Variants in XPO7 observed in about 807,000 individuals in gnomAD.
XPO7 encodes exportin 7, also known as exportin-7.
XPO7 carries 21 observed loss-of-function variants against 144.3 expected under a neutral mutation model. The ratio of observed to expected loss-of-function variants is 0.15; its 90% CI spans 0.10 to 0.21. XPO7 has a LOEUF of 0.21. XPO7 is among the 10% of genes least tolerant of loss of function. XPO7 has a pLI of 1.00. For synonymous variants in XPO7, 580 were observed against 499.6 expected, an observed-to-expected ratio of 1.16 and a Z score of -2.15; for missense variants, 808 against 1,325.8, an observed-to-expected ratio of 0.61 and a Z score of 6.06.
rs539992598 is a variant in XPO7, at chr8:21,997,784, G to C, written c.2346-971G>C. On this transcript the variant is annotated intron_variant, in intron 21 of 27. Transcript: ENST00000252512. ...AGGTAAGAGTAGAAGCAGAGAGAAT[G>C]TAAGGGAAAGGTGGATTTGGGGTTT... 2.0e-5 allele frequency among the ~76,000 whole-genome samples: 3 copies of C among 152,296 alleles called. No individual in the cohort carries two copies. In the East Asian group the frequency reaches 5.8e-4, roughly 29 times the overall value.
chr8:21,966,363 G>T (rs547471050), intron 1 of XPO7: 9 of 775,930 alleles, frequency 1.2e-5, no homozygotes, highest in African/African-American at 8.5e-5. Flanking sequence ...TCGTACAGGT[G>T]ACCATCTTTA....
chr8:21,945,632 C>T (rs536054101), intron 1 of XPO7, among the ~76,000 whole-genome samples: 45 of 152,314 alleles, frequency 3.0e-4, no homozygotes, highest in African/African-American at 1.1e-3. Flanking sequence ...AATATTGAAA[C>T]AAATCCTTTT....
At chr8:21,958,125 C>T (rs958169874) in intron 1 of XPO7, among the ~76,000 whole-genome samples, 1 of 151,964 alleles carries the variant, frequency 6.6e-6, no homozygotes, top group Non-Finnish European at 1.5e-5. Context: ...TGAACAAATA[C>T]CTTTAAAAAG....
rs765032409 is a variant in XPO7, at chr8:21,999,132, G to A, written c.2470G>A (p.Val824Ile). The A allele has an allele frequency of 1.2e-6, 2 of 1,613,824 alleles. No individual in the cohort carries two copies. Among genetic ancestry groups the A allele is most frequent in the Non-Finnish European group, 1.7e-6 (2 of 1,179,888 alleles). ...ACTAGGAGAGGTCCCAAAGGATCAGGTCTATGCTCTGAAGCTCAAGGGCAT... is the reference window on the plus strand; with the variant it reads ...ACTAGGAGAGGTCCCAAAGGATCAGATCTATGCTCTGAAGCTCAAGGGCAT... ...LTLGEVPKDQ[V>I]YALKLKGISI... is the part of the protein sequence containing the mutation. The change falls in exon 23 of 28, where the codon GTC becomes ATC. Residue 824 changes from valine to isoleucine, a missense_variant. Transcript: ENST00000252512.
chr8:21,984,890 A>T, intron 12 of XPO7, 51 bp downstream of exon 12: 1 of 1,585,480 alleles, frequency 6.3e-7, no homozygotes, highest in Non-Finnish European at 8.6e-7. Context: ...GATGTTGTCT[A>T]GTACCCCTTC....
rs747051221 is a variant in XPO7 at position 21,966,958 on chromosome 8, C to T, written c.120C>T (p.Ser40=). The change falls in exon 2 of 28, where the codon AGC becomes AGT. Residue 40 remains serine (S), a synonymous_variant. Transcript: ENST00000252512. ...AAGCCTTGGTTGAATTTACCAACAG[C>T]CCTGATTGCCTGAGCAAGTGCCAGC... ...AEKALVEFTN[S]PDCLSKCQLL... The T allele has an allele frequency of 3.7e-6, 6 of 1,613,800 alleles. No individual in the cohort carries two copies. The highest frequency in any genetic ancestry group is 1.6e-4 in the Middle Eastern group (1 of 6,084).
chr8:21,977,729 A>G (rs1563329353), intron 7 of XPO7, 41 bp from the exon 8 acceptor site: 2 of 1,595,210 alleles, frequency 1.3e-6, no homozygotes, highest in Non-Finnish European at 1.7e-6. Flanking sequence ...GGCAATGTTC[A>G]TACTTAATAA....
chr8:21,976,637 A>G, intron 7 of XPO7, 116 bp downstream of exon 7: 1 of 1,226,162 alleles, frequency 8.2e-7, no homozygotes, highest in South Asian at 1.7e-5. Flanking sequence ...ATTGAGAAAA[A>G]ATTCTAACGT....
At position 21,954,488 on chromosome 8, in the gene XPO7, G is replaced by A. The variant is rs187162921; in HGVS notation, c.19-12369G>A. ...ATCTCTACTAAAAATTCAAAAATTA[G>A]CCAGGTGTGGTGGCACAGACCTGTA... On this transcript the variant is annotated intron_variant, in intron 1 of 27. Transcript: ENST00000252512. Among the ~76,000 whole-genome samples the A allele has an allele frequency of 3.1e-3, 479 of 152,162 alleles. 2 individuals are homozygous for A. Among genetic ancestry groups the A allele is most frequent in the African/African-American group, 0.011 (462 of 41,504 alleles).
chr8:21,941,030 G>A (rs185196567), intron 1 of XPO7, among the ~76,000 whole-genome samples: 162 of 152,206 alleles, frequency 1.1e-3, no homozygotes, highest in African/African-American at 3.8e-3. Flanking sequence ...GTCTGTGGGG[G>A]ATTGGTTCCA....
intron 2 of XPO7, among the ~76,000 whole-genome samples, 192 bp from the exon 3 acceptor site, chr8:21,969,291 T>A (rs1179922014): frequency 6.8e-6 from 1 of 146,134 alleles, no homozygotes; most frequent in East Asian, 1.9e-4. Context: ...TGTTCATTGT[T>A]GAAGTCAGCT....
chr8:21,936,842 A>G (rs1017129194), intron 1 of XPO7, among the ~76,000 whole-genome samples: 8 of 152,040 alleles, frequency 5.3e-5, no homozygotes, highest in African/African-American at 1.7e-4. Flanking sequence ...TTCTTTTTTC[A>G]TTTGAAAAAG....
intron 21 of XPO7, among the ~76,000 whole-genome samples, chr8:21,997,653 T>G (rs1812997227): frequency 6.6e-6 from 1 of 152,124 alleles, no homozygotes; most frequent in Non-Finnish European, 1.5e-5. Context: ...GAGTGGGCAT[T>G]TATTCTCATT....
intron 8 of XPO7, 47 bp from the exon 9 acceptor site, chr8:21,980,037 T>TG: frequency 5.3e-6 from 8 of 1,498,944 alleles, no homozygotes; most frequent in Non-Finnish European, 7.2e-6. Context: ...TGAAAGTAAC[T>TG]GTACAGTCTT....
intron 15 of XPO7, among the ~76,000 whole-genome samples, chr8:21,988,060 T>C (rs1243653602): frequency 6.6e-6 from 1 of 152,162 alleles, no homozygotes; most frequent in Non-Finnish European, 1.5e-5. Context: ...CAGGCAAGGA[T>C]TTAATTTTGT....
intron 1 of XPO7, among the ~76,000 whole-genome samples, chr8:21,925,660 T>C (rs1563307493): frequency 1.3e-5 from 2 of 152,192 alleles, no homozygotes; most frequent in African/African-American, 2.4e-5. Flanking sequence ...TATAGTGTTA[T>C]GCCATTTAAT....
intron 1 of XPO7, among the ~76,000 whole-genome samples, chr8:21,935,283 G>A (rs1361567919): frequency 2.0e-5 from 3 of 152,198 alleles, no homozygotes; most frequent in Admixed American, 1.3e-4. Flanking sequence ...TAACTAGTTT[G>A]CCATATTGCT....
intron 1 of XPO7, among the ~76,000 whole-genome samples, chr8:21,947,767 G>GA (rs1371800325): frequency 6.6e-6 from 1 of 152,124 alleles, no homozygotes; most frequent in African/African-American, 2.4e-5. Context: ...GCATATGAGG[G>GA]AAAAAGCAAT....
chr8:21,998,682 A>G (rs1813034873), intron 21 of XPO7, 73 bp from the exon 22 acceptor site: 1 of 1,305,232 alleles, frequency 7.7e-7, no homozygotes, highest in Non-Finnish European at 1.1e-6. Context: ...AGGTACTCAG[A>G]TGAGAGCCTC....
Sources: gnomAD v4.1 joint callset for allele counts (sites outside exome capture counted in the v4.1 genomes callset) on GRCh38, gnomAD v4.1.1 for gene constraint, MANE v1.5 for transcripts, NCBI Gene and HGNC (gene_info 2026-07-23, HGNC 2026-07-21) for gene names.